The following RABL3 variants were observed in gnomAD, a reference collection of about 807,000 sequenced individuals.
The protein encoded by RABL3 is RAB, member of RAS oncogene family like 3, also known as rab-like protein 3.
In RABL3, 31 loss-of-function variants were observed where a neutral mutation model predicts 31.8. The observed-to-expected ratio is 0.97, with a 90% CI of 0.73 to 1.31. The LOEUF is 1.31. Among genes scored for constraint, RABL3 ranks in the 40% most tolerant of loss-of-function variants. RABL3 has a pLI of 0.00. For missense variants in RABL3, 263 were observed against 279.6 expected (o/e 0.94, Z 0.42); for synonymous variants, 97 against 99.9 (o/e 0.97, Z 0.18).
chr3:120,737,799 G>A (rs1464104596), intron 1 of RABL3, among the ~76,000 whole-genome samples: 3 of 152,218 alleles, frequency 2.0e-5, no homozygotes, highest in Non-Finnish European at 4.4e-5. Context: ...TCCAGACCCT[G>A]TTTGCCTGGG....
chr3:120,712,247 T>C (rs1045591910), intron 2 of RABL3, among the ~76,000 whole-genome samples: 4 of 152,172 alleles, frequency 2.6e-5, no homozygotes, highest in African/African-American at 9.7e-5. Flanking sequence ...AAAGACAGTA[T>C]GACAGAAAAA....
At chr3:120,722,287 G>A (rs1189215701) in intron 2 of RABL3, 3 of 152,092 alleles carry the variant, frequency 2.0e-5, no homozygotes, top group East Asian at 1.9e-4. Flanking sequence ...CCTACCATAC[G>A]TTTGAAGAAC....
rs566315452 is a variant in RABL3, at chr3:120,699,162, T to C, written c.384-589A>G. ...GCTGAAGCCTAGAATAAATCAAATA[T>C]AGGTGATACTATAGCCTGGGAAAGG... On this transcript the variant is annotated intron_variant, in intron 4 of 7. Coordinates refer to ENST00000273375, the MANE Select transcript of RABL3 (RefSeq NM_173825.5). Among the ~76,000 whole-genome samples, 3 of 152,160 alleles carry C rather than the reference T, an allele frequency of 2.0e-5. No homozygotes were observed. The East Asian group carries it at 5.8e-4, about 29-fold the overall frequency.
intron 2 of RABL3, among the ~76,000 whole-genome samples, chr3:120,719,318 G>C (rs958475339): frequency 6.6e-6 from 1 of 152,200 alleles, no homozygotes; most frequent in African/African-American, 2.4e-5. Context: ...TGAGGTACTG[G>C]GTTCATCTCA....
Position 120,705,980 on chromosome 3 carries a change from C to T in RABL3, c.383+20G>A. 1 of 1,375,364 alleles carries T rather than the reference C, an allele frequency of 7.3e-7. No homozygotes were observed. The highest frequency in any genetic ancestry group is 1.2e-5 in the South Asian group (1 of 86,260). The allele number at this position is 1,375,364 out of a possible 1,614,324, so 85.2% of individuals were successfully genotyped here. On this transcript the variant is annotated intron_variant, in intron 4 of 7. Coordinates refer to ENST00000273375, the MANE Select transcript of RABL3 (RefSeq NM_173825.5). ...CTGTGATTGCTACAATCTTTCAAAC[C>T]AATTGTGAAATTGGCTCACCCATTT...
At chr3:120,690,137 T>C (rs1243915869) in intron 7 of RABL3, among the ~76,000 whole-genome samples, 4 of 152,202 alleles carry the variant, frequency 2.6e-5, no homozygotes, top group African/African-American at 9.6e-5. Flanking sequence ...AATCTCATAA[T>C]ACCTACTAGA....
chr3:120,693,325 G>A (rs1227557547), intron 6 of RABL3, among the ~76,000 whole-genome samples: 1 of 152,012 alleles, frequency 6.6e-6, no homozygotes. Context: ...ATCCAATGCT[G>A]AACAAAAGGG....
intron 5 of RABL3, among the ~76,000 whole-genome samples, chr3:120,697,868 C>A (rs910605800): frequency 5.9e-5 from 9 of 152,110 alleles, no homozygotes; most frequent in African/African-American, 2.2e-4. Flanking sequence ...AAACCTTTCT[C>A]AAGAAAAAGC....
chr3:120,696,200 A>T (rs1225094400), intron 5 of RABL3, among the ~76,000 whole-genome samples: 2 of 152,214 alleles, frequency 1.3e-5, no homozygotes, highest in East Asian at 3.8e-4. Context: ...GCAGTTATTT[A>T]TTAACTCTGA....
chr3:120,691,539 A>G (rs925423639), intron 6 of RABL3, among the ~76,000 whole-genome samples: 2 of 152,222 alleles, frequency 1.3e-5, no homozygotes, highest in Non-Finnish European at 2.9e-5. Flanking sequence ...GTAGGCTAAC[A>G]TAAGTGTTCT....
chr3:120,736,362 C>T (rs1708965177), intron 1 of RABL3, among the ~76,000 whole-genome samples: 1 of 152,156 alleles, frequency 6.6e-6, no homozygotes, highest in Non-Finnish European at 1.5e-5. Context: ...ACTAGGATTG[C>T]AAACCCTGCC....
At chr3:120,716,196 G>A (rs996298581) in intron 2 of RABL3, among the ~76,000 whole-genome samples, 3 of 152,174 alleles carry the variant, frequency 2.0e-5, no homozygotes, top group African/African-American at 7.2e-5. Flanking sequence ...TATAGTTTGT[G>A]AAAAGACTAA....
intron 2 of RABL3, among the ~76,000 whole-genome samples, chr3:120,721,849 C>A (rs1708746126): frequency 6.6e-6 from 1 of 152,216 alleles, no homozygotes; most frequent in Non-Finnish European, 1.5e-5. Flanking sequence ...CTACAGAACT[C>A]TCCATCCCAA....
intron 2 of RABL3, among the ~76,000 whole-genome samples, chr3:120,718,382 C>T (rs1378036381): frequency 6.6e-6 from 1 of 152,188 alleles, no homozygotes. Context: ...ATGCTCTGGA[C>T]CATCAGCTAT....
chr3:120,700,185 T>C (rs1241002983), intron 4 of RABL3, among the ~76,000 whole-genome samples: 1 of 152,160 alleles, frequency 6.6e-6, no homozygotes. Flanking sequence ...TCTGAAGAAC[T>C]TTATCATGGA....
At chr3:120,732,410 C>T (rs557260596) in intron 1 of RABL3, among the ~76,000 whole-genome samples, 80 of 152,224 alleles carry the variant, frequency 5.3e-4, no homozygotes, top group Admixed American at 1.7e-3. Context: ...CACATTATTA[C>T]ATGTGTTTAT....
chr3:120,742,284 C>A (rs1430318789), intron 1 of RABL3, among the ~76,000 whole-genome samples, 178 bp downstream of exon 1: 2 of 152,094 alleles, frequency 1.3e-5, no homozygotes, highest in Non-Finnish European at 2.9e-5. Context: ...CGCGACGACG[C>A]CGCCGCCACC....
chr3:120,722,383 T>G (rs1708755753), intron 2 of RABL3: 1 of 152,170 alleles, frequency 6.6e-6, no homozygotes, highest in Non-Finnish European at 1.5e-5. Flanking sequence ...TCTATGACTT[T>G]TTCAACAAGA....
In RABL3 at chr3:120,708,338, G is replaced by C. The variant is rs148901998; in HGVS notation, c.268+1442C>G. ...AAATCACTAATGAATAGTAGGTACA[G>C]AAAAGATAAACAAATATAGATTAGA... On this transcript the variant is annotated intron_variant, in intron 3 of 7. Coordinates refer to ENST00000273375, the MANE Select transcript of RABL3 (RefSeq NM_173825.5). Among the ~76,000 whole-genome samples the C allele has an allele frequency of 1.4e-3, 207 of 152,004 alleles. 1 individual carries two copies. Among genetic ancestry groups the C allele is most frequent in the Non-Finnish European group, 2.6e-3 (176 of 67,864 alleles).
Sources: allele counts gnomAD v4.1 joint callset (sites outside exome capture counted in the v4.1 genomes callset), GRCh38; gene constraint gnomAD v4.1.1; transcripts MANE v1.5; gene names NCBI Gene and HGNC (gene_info 2026-07-23, HGNC 2026-07-21).